PTPRN2: variants seen among roughly 807,000 people sequenced by gnomAD.
The protein encoded by PTPRN2 is protein tyrosine phosphatase receptor type N2.
In PTPRN2, 74 loss-of-function variants were observed where a neutral mutation model predicts 118.8. That is an observed-to-expected ratio of 0.62 (90% CI 0.52 to 0.76). The LOEUF (loss-of-function observed/expected upper bound fraction) is 0.76, where lower values mean the gene tolerates loss of function less well. Among genes scored for constraint, PTPRN2 ranks in the 30% least tolerant of loss-of-function variants. The pLI is 0.00. For missense variants in PTPRN2, 1,481 were observed against 1,394.4 expected (o/e 1.06, Z -0.99); for synonymous variants, 641 against 608.0 (o/e 1.05, Z -0.80).
intron 2 of PTPRN2, among the ~76,000 whole-genome samples, chr7:158,404,087 T>C (rs1813160095): frequency 6.6e-6 from 1 of 152,220 alleles, no homozygotes; most frequent in Admixed American, 6.5e-5. Flanking sequence ...TTGCAGCCTC[T>C]GGACTTTCTA....
At chr7:158,207,683 C>G (rs1047151193) in intron 3 of PTPRN2, among the ~76,000 whole-genome samples, 1 of 152,134 alleles carries the variant, frequency 6.6e-6, no homozygotes, top group Non-Finnish European at 1.5e-5. Flanking sequence ...TGAATACAAA[C>G]AAGCCGAGAT....
At chr7:158,065,580 C>T (rs530443587) in intron 11 of PTPRN2, among the ~76,000 whole-genome samples, 9 of 152,252 alleles carry the variant, frequency 5.9e-5, no homozygotes, top group South Asian at 4.1e-4. Context: ...CCATCAGACC[C>T]GGGGGGAGGG....
intron 2 of PTPRN2, among the ~76,000 whole-genome samples, chr7:158,357,904 GC>G (rs904651157): frequency 6.6e-6 from 1 of 152,260 alleles, no homozygotes; most frequent in Non-Finnish European, 1.5e-5. Context: ...CCCCGGCCAA[GC>G]CAAGGGCAAA....
intron 2 of PTPRN2, among the ~76,000 whole-genome samples, chr7:158,341,828 C>A (rs1213933993): frequency 8.3e-6 from 1 of 120,142 alleles, no homozygotes; most frequent in Non-Finnish European, 1.7e-5. Flanking sequence ...CACCAGCAGA[C>A]GTCACTCACA....
At chr7:157,570,253 A>G (rs1400966239) in intron 20 of PTPRN2, among the ~76,000 whole-genome samples, 2 of 152,224 alleles carry the variant, frequency 1.3e-5, no homozygotes, top group African/African-American at 4.8e-5. Context: ...TGCACAGCAT[A>G]TATTCACATG....
intron 12 of PTPRN2, among the ~76,000 whole-genome samples, chr7:157,871,142 G>C (rs1811022536): frequency 6.6e-6 from 1 of 152,216 alleles, no homozygotes; most frequent in South Asian, 2.1e-4. Context: ...TTCTGAACTA[G>C]GCACCAATCT....
intron 21 of PTPRN2, among the ~76,000 whole-genome samples, chr7:157,563,164 A>G (rs377476263): frequency 7.3e-4 from 64 of 88,116 alleles, no homozygotes; most frequent in Admixed American, 1.1e-3. Context: ...ACGTGCTCCC[A>G]CGTCACCACA....
chr7:158,505,625 A>G (rs1207610811), intron 1 of PTPRN2, among the ~76,000 whole-genome samples: 1 of 151,754 alleles, frequency 6.6e-6, no homozygotes, highest in African/African-American at 2.4e-5. Context: ...CTTTTGGTTT[A>G]GAGGACTTCA....
intron 6 of PTPRN2, 28 bp from the exon 7 acceptor site, chr7:158,138,543 C>T (rs372399757): frequency 1.3e-4 from 208 of 1,594,664 alleles, no homozygotes; most frequent in African/African-American, 2.1e-4. Flanking sequence ...AACACAAGGA[C>T]GTTGTGGGTG....
intron 17 of PTPRN2, among the ~76,000 whole-genome samples, chr7:157,588,513 G>A (rs1428988134): frequency 3.9e-5 from 6 of 152,252 alleles, no homozygotes; most frequent in Non-Finnish European, 8.8e-5. Context: ...CTGTGCACCA[G>A]GACATGACTG....
At position 158,251,110 on chromosome 7, in the gene PTPRN2, G is replaced by A. The variant is rs969870708; in HGVS notation, c.278-45837C>T. On this transcript the variant is annotated intron_variant, in intron 3 of 22. Transcript: ENST00000389418. ...ATGCATAGAAAGGGTAATGGGACAC[G>A]CACAAAGCGTACTGTTACTTAGCAG... Among the ~76,000 whole-genome samples the A allele has an allele frequency of 9.4e-4, 143 of 152,116 alleles. 1 individual carries two copies. The highest frequency in any genetic ancestry group is 3.2e-3 in the African/African-American group (133 of 41,426).
intron 11 of PTPRN2, among the ~76,000 whole-genome samples, chr7:157,989,749 A>T (rs1804102619): frequency 6.6e-6 from 1 of 152,068 alleles, no homozygotes; most frequent in African/African-American, 2.4e-5. Context: ...TGTCATGTCC[A>T]CCCCACTTCA....
At chr7:158,074,366 A>T (rs1052133583) in intron 11 of PTPRN2, among the ~76,000 whole-genome samples, 3 of 152,160 alleles carry the variant, frequency 2.0e-5, no homozygotes, top group African/African-American at 4.8e-5. Context: ...GGTGGTGGTG[A>T]TTCACTGTGT....
chr7:158,579,316 T>C (rs548747409), intron 1 of PTPRN2, among the ~76,000 whole-genome samples: 155 of 152,332 alleles, frequency 1.0e-3, no homozygotes, highest in South Asian at 2.1e-3. Flanking sequence ...AGTAATATTG[T>C]TTCTAACAAT....
chr7:157,615,566 C>A lies in PTPRN2; in HGVS notation c.2344+5796G>T, dbSNP rs1176407231. On this transcript the variant is annotated intron_variant, in intron 15 of 22. Transcript: ENST00000389418. This position sits in a 1 kb window ranked among gnomAD's most constrained non-coding sequence, Gnocchi z 4.3. ...CGTGGAAACAATCTCAGCCCTGGAACCAGCGCCTGGGAAGTCCCGCGGTGG... is the reference window on the plus strand; with the variant it reads ...CGTGGAAACAATCTCAGCCCTGGAAACAGCGCCTGGGAAGTCCCGCGGTGG... 2.1e-6 allele frequency: 1 copy of A among 471,124 alleles called. No homozygotes were observed. Among genetic ancestry groups the A allele is most frequent in the Non-Finnish European group, 4.4e-6 (1 of 227,078 alleles). The allele number at this position is 471,124 out of a possible 1,614,324, so 29.2% of individuals were successfully genotyped here.
chr7:158,338,267 C>G (rs1316110025), intron 2 of PTPRN2, among the ~76,000 whole-genome samples: 2 of 78,014 alleles, frequency 2.6e-5, no homozygotes, highest in Non-Finnish European at 2.5e-5. Context: ...CCCACACTCT[C>G]ACCATAAGCG....
intron 2 of PTPRN2, among the ~76,000 whole-genome samples, chr7:158,482,096 T>G (rs936440084): frequency 2.6e-5 from 4 of 152,112 alleles, no homozygotes; most frequent in African/African-American, 9.7e-5. Context: ...ATGATAAAAC[T>G]TTAACAGGTG....
In PTPRN2 at chr7:158,546,419, C is replaced by T. The variant is rs73729689; in HGVS notation, c.112+41139G>A. On this transcript the variant is annotated intron_variant, in intron 1 of 22. Transcript: ENST00000389418. This position sits in a 1 kb window ranked among gnomAD's most constrained non-coding sequence, Gnocchi z 5.0. ...TCAGAGTCCTTTGGGCACCACAGCC[C>T]GGAATGGTGCTGGAATCACAGCCGC... is the stretch of plus-strand genomic sequence containing the variant. Among the ~76,000 whole-genome samples, 638 of 152,312 alleles carry T rather than the reference C, an allele frequency of 4.2e-3. 2 individuals are homozygous for T. The highest frequency in any genetic ancestry group is 0.014 in the African/African-American group (602 of 41,576).
At chr7:158,522,318 A>G (rs10278644) in intron 1 of PTPRN2, among the ~76,000 whole-genome samples, 459 of 20,502 alleles carry the variant, frequency 0.022, 17 homozygotes, top group Admixed American at 0.035. Flanking sequence ...CTGTCCGGGT[A>G]GTGGCTCGGG....
Sources: gnomAD v4.1 joint callset for allele counts (sites outside exome capture counted in the v4.1 genomes callset) on GRCh38, gnomAD v4.1.1 for gene constraint, Gnocchi (gnomAD v3.1) non-coding constraint, MANE v1.5 for transcripts, NCBI Gene and HGNC (gene_info 2026-07-23, HGNC 2026-07-21) for gene names.